TRAPPC11: variants seen among roughly 807,000 people sequenced by gnomAD.
TRAPPC11 encodes the protein trafficking protein particle complex subunit 11, also known as foie gras homolog.
TRAPPC11 carries 104 observed loss-of-function variants against 151.2 expected under a neutral mutation model. That is an observed-to-expected ratio of 0.69 (90% CI 0.59 to 0.81). The LOEUF (loss-of-function observed/expected upper bound fraction) is 0.81. Among genes scored for constraint, TRAPPC11 ranks in the 30% least tolerant of loss-of-function variants. The probability of loss-of-function intolerance (pLI) is 0.00; values close to 1 mark genes in which losing one functional copy is unlikely to be tolerated. For missense variants in TRAPPC11, 1,230 were observed against 1,349.6 expected (o/e 0.91, Z 1.39); for synonymous variants, 456 against 472.3 (o/e 0.97, Z 0.45).
chr4:183,684,618 A>C, intron 14 of TRAPPC11, 78 bp from the exon 15 acceptor site: 2 of 1,453,420 alleles, frequency 1.4e-6, no homozygotes, highest in Non-Finnish European at 1.9e-6. Context: ...TAAAATGAGG[A>C]AAGTATTTTT....
At chr4:183,688,841 G>T (rs1736115391) in intron 18 of TRAPPC11, among the ~76,000 whole-genome samples, 1 of 152,164 alleles carries the variant, frequency 6.6e-6, no homozygotes, top group Non-Finnish European at 1.5e-5. Flanking sequence ...AGTCTCCCAG[G>T]CTCAAGTGAT....
At chr4:183,700,180 G>C (rs1409386233) in intron 25 of TRAPPC11, among the ~76,000 whole-genome samples, 1 of 152,206 alleles carries the variant, frequency 6.6e-6, no homozygotes, top group Non-Finnish European at 1.5e-5. Context: ...AACTTTGGTA[G>C]AGTTTAATAT....
chr4:183,661,549 T>C (rs1177868003), intron 1 of TRAPPC11, among the ~76,000 whole-genome samples: 1 of 151,384 alleles, frequency 6.6e-6, no homozygotes, highest in East Asian at 1.9e-4. Flanking sequence ...TTTTTTGTGT[T>C]TTTAGTAGAG....
chr4:183,680,679 CTT>C (rs71589581), intron 10 of TRAPPC11, among the ~76,000 whole-genome samples: 8 of 82,946 alleles, frequency 9.6e-5, no homozygotes, highest in East Asian at 4.1e-4. Context: ...TATGGAGACT[CTT>C]TTTTTTTTTT....
chr4:183,680,824 C>G (rs1020921518), intron 10 of TRAPPC11, among the ~76,000 whole-genome samples: 2 of 151,732 alleles, frequency 1.3e-5, no homozygotes, highest in Non-Finnish European at 2.9e-5. Flanking sequence ...TCCTGAGTAG[C>G]TGGGATTACA....
At chr4:183,697,384 T>C (rs1736588607) in intron 23 of TRAPPC11, 119 bp from the exon 24 acceptor site, 20 of 920,014 alleles carry the variant, frequency 2.2e-5, no homozygotes, top group Non-Finnish European at 3.3e-5. Flanking sequence ...AAAAGGCCTT[T>C]ACTTCTTAGT....
intron 11 of TRAPPC11, among the ~76,000 whole-genome samples, chr4:183,683,173 A>C (rs991496080): frequency 1.3e-5 from 2 of 151,066 alleles, no homozygotes; most frequent in Non-Finnish European, 3.0e-5. Context: ...AAAAAAAAAT[A>C]CAACATTTGG....
chr4:183,663,424 A>G (rs978924001), intron 1 of TRAPPC11, among the ~76,000 whole-genome samples: 10 of 152,112 alleles, frequency 6.6e-5, no homozygotes, highest in South Asian at 2.1e-4. Context: ...TAGTAGAGAC[A>G]GGGTTTCACC....
intron 1 of TRAPPC11, 128 bp from the exon 2 acceptor site, chr4:183,663,719 G>A: frequency 1.6e-6 from 1 of 619,210 alleles, no homozygotes; most frequent in Non-Finnish European, 2.8e-6. Flanking sequence ...TTCATATATT[G>A]GAAATGAATA....
intron 29 of TRAPPC11, among the ~76,000 whole-genome samples, chr4:183,708,856 G>T (rs1189169898): frequency 6.6e-6 from 1 of 152,054 alleles, no homozygotes; most frequent in Non-Finnish European, 1.5e-5. Flanking sequence ...ATTGTAATTT[G>T]TTTGTAACTA....
intron 23 of TRAPPC11, 57 bp downstream of exon 23, chr4:183,694,780 T>TAAAGCATCA (rs1736448032): frequency 6.4e-7 from 1 of 1,552,108 alleles, no homozygotes. Flanking sequence ...CCATTTTGTG[T>TAAAGCATCA]TATTTTAGTT....
intron 16 of TRAPPC11, 30 bp downstream of exon 16, chr4:183,685,175 T>C: frequency 1.2e-6 from 2 of 1,611,924 alleles, no homozygotes; most frequent in Non-Finnish European, 1.7e-6. Flanking sequence ...ATAGAGTGTG[T>C]TATTAGGAAT....
intron 23 of TRAPPC11, 84 bp downstream of exon 23, chr4:183,694,807 A>G (rs1013612413): frequency 1.4e-6 from 2 of 1,381,310 alleles, no homozygotes; most frequent in Non-Finnish European, 2.0e-6. Context: ...TAAAATAAGC[A>G]TAAAATAAGC....
chr4:183,691,471 G>A lies in TRAPPC11; in HGVS notation c.2049G>A (p.Glu683=), dbSNP rs1736256379. The A allele has an allele frequency of 2.0e-6, 3 of 1,465,154 alleles. No individual in the cohort carries two copies. Among genetic ancestry groups the A allele is most frequent in the African/African-American group, 1.4e-5 (1 of 71,776 alleles). 90.8% of individuals were successfully genotyped at this position (1,465,154 alleles called of 1,614,324 possible). A position where few individuals can be genotyped will look rare whatever the true frequency, so the allele number is the denominator to read the frequency against. ...AKTEDVGKKI[E]ITSVDLALGN... The stretch of plus-strand genomic sequence containing the variant: ...CTGAAGATGTGGGAAAGAAAATTGA[G>A]GTTAGTTATGAAATTTGTTTTAAAA... The change falls in exon 19 of 30, where the codon GAG becomes GAA. Residue 683 remains glutamate (E), a splice_region_variant and synonymous_variant. Coordinates refer to ENST00000334690, the MANE Select transcript of TRAPPC11 (RefSeq NM_021942.6).
rs1291975979 is a variant in TRAPPC11, at chr4:183,673,104, A to T, written c.561-1609A>T. On this transcript the variant is annotated intron_variant, in intron 5 of 29. Transcript: ENST00000334690. ...CAGCCTCCTGAGTAGCTGGGACTAC[A>T]GGTGCCCACCACCACACCTGGCCAA... Among the ~76,000 whole-genome samples the T allele has an allele frequency of 2.6e-5, 4 of 151,718 alleles. No individual in the cohort carries two copies. In the East Asian group the frequency reaches 7.8e-4, roughly 30 times the overall value.
intron 23 of TRAPPC11, among the ~76,000 whole-genome samples, chr4:183,695,665 T>C (rs1736502112): frequency 6.6e-6 from 1 of 152,200 alleles, no homozygotes; most frequent in Non-Finnish European, 1.5e-5. Context: ...CTCTTAGGAA[T>C]TGGGTCCTCA....
chr4:183,666,846 A>G, intron 3 of TRAPPC11: 4 of 482,634 alleles, frequency 8.3e-6, no homozygotes, highest in Non-Finnish European at 1.5e-5. Context: ...TTTAAGGAAG[A>G]TTTTTAAGAT....
chr4:183,668,133 T>G lies in TRAPPC11; in HGVS notation c.560+16T>G. On this transcript the variant is annotated intron_variant, in intron 5 of 29. Transcript: ENST00000334690. ...ATATTATAAGGTAAGTAGAGGTCTT[T>G]TAAAGTTTTGTTTTTTTAGATTATT... 6.8e-7 allele frequency: 1 copy of G among 1,473,098 alleles called. No individual in the cohort carries two copies. The highest frequency in any genetic ancestry group is 9.3e-7 in the Non-Finnish European group (1 of 1,076,190). 91.3% of individuals were successfully genotyped at this position (1,473,098 alleles called of 1,614,324 possible).
intron 23 of TRAPPC11, 43 bp downstream of exon 23, chr4:183,694,766 A>G (rs1268220867): frequency 6.3e-7 from 1 of 1,577,770 alleles, no homozygotes; most frequent in Non-Finnish European, 8.6e-7. Flanking sequence ...TATGTGGAGT[A>G]TTCCCATTTT....
Sources: allele counts gnomAD v4.1 joint callset (sites outside exome capture counted in the v4.1 genomes callset), GRCh38; gene constraint gnomAD v4.1.1; transcripts MANE v1.5; gene names NCBI Gene and HGNC (gene_info 2026-07-23, HGNC 2026-07-21).